RPS6KA5: variants seen among roughly 807,000 people sequenced by gnomAD.
RPS6KA5 encodes the protein ribosomal protein S6 kinase A5, also known as ribosomal protein S6 kinase alpha-5.
Under a neutral mutation model 85.5 loss-of-function variants are expected in RPS6KA5, and 27 were observed. The ratio of observed to expected loss-of-function variants is 0.32; its 90% CI spans 0.23 to 0.44. RPS6KA5 has a LOEUF of 0.44. RPS6KA5 is among the 20% of genes least tolerant of loss of function. The pLI, the probability that RPS6KA5 is intolerant of heterozygous loss-of-function variation, is 1.00. For synonymous variants in RPS6KA5, 334 were observed against 348.2 expected (o/e 0.96, Z 0.46); for missense variants, 811 against 980.9 (o/e 0.83, Z 2.31).
Position 90,902,947 on chromosome 14 carries a change from G to A in RPS6KA5, c.980C>T (p.Ala327Val). 6.2e-7 allele frequency: 1 copy of A among 1,611,308 alleles called. No homozygotes were observed. The highest frequency in any genetic ancestry group is 8.5e-7 in the Non-Finnish European group (1 of 1,178,556). The change falls in exon 9 of 17, where the codon GCC becomes GTC. Residue 327 changes from alanine (A) to valine (V), a missense_variant. Around this residue, in one of 3 missense-constraint regions of RPS6KA5, gnomAD observed 650 missense variants for 793.4 expected, o/e 0.82. Coordinates refer to ENST00000614987, the MANE Select transcript of RPS6KA5 (RefSeq NM_004755.4). ...FFQKINWDDL[A>V]AKKVPAPFKP... ...AAATGGTGCAGGCACTTTTTTGGCGGCTAAATCATCCCAATTTATTTTCTA... is the reference window on the plus strand; with the variant it reads ...AAATGGTGCAGGCACTTTTTTGGCGACTAAATCATCCCAATTTATTTTCTA...
intron 1 of RPS6KA5, among the ~76,000 whole-genome samples, chr14:91,005,503 T>A (rs1373770619): frequency 6.6e-6 from 1 of 152,186 alleles, no homozygotes; most frequent in African/African-American, 2.4e-5. Flanking sequence ...GTAAGTAGTA[T>A]CATATTTAGG....
intron 1 of RPS6KA5, among the ~76,000 whole-genome samples, chr14:91,020,263 A>G (rs1358253883): frequency 6.6e-6 from 1 of 150,578 alleles, no homozygotes; most frequent in East Asian, 2.0e-4. Context: ...CAAATCTGTG[A>G]ATTCAACCAA....
chr14:90,870,839 G>A lies in RPS6KA5; in HGVS notation c.*1235C>T, dbSNP rs535646164. On this transcript the variant is annotated 3_prime_UTR_variant, in exon 17 of 17. Coordinates refer to ENST00000614987, the MANE Select transcript of RPS6KA5 (RefSeq NM_004755.4). ...TTTTTTTTTTTTTTGCATAGGGAAC[G>A]AATTAATTGTATTTTTAAATGCAGC... 9 of 117,920 alleles carry A rather than the reference G, an allele frequency of 7.6e-5. No individual in the cohort carries two copies. In the South Asian group the frequency reaches 1.9e-3, roughly 25 times the overall value. 7.3% of individuals were successfully genotyped at this position (117,920 alleles called of 1,614,324 possible).
chr14:91,029,007 T>C (rs935599540), intron 1 of RPS6KA5, among the ~76,000 whole-genome samples: 3 of 152,222 alleles, frequency 2.0e-5, no homozygotes, highest in Non-Finnish European at 4.4e-5. Context: ...TTATTTATAG[T>C]AGTTATTATT....
intron 1 of RPS6KA5, among the ~76,000 whole-genome samples, chr14:91,047,650 C>T (rs1236090578): frequency 1.3e-5 from 2 of 152,128 alleles, no homozygotes; most frequent in East Asian, 1.9e-4. Context: ...CCTGTAACTG[C>T]GGTAGAAAAT....
At chr14:91,020,837 TTTTAG>T (rs1012487686) in intron 1 of RPS6KA5, among the ~76,000 whole-genome samples, 11 of 152,162 alleles carry the variant, frequency 7.2e-5, no homozygotes, top group African/African-American at 2.7e-4. Flanking sequence ...AATTTCTGTC[TTTTAG>T]GACTGACTTT....
Position 90,851,329 on chromosome 14 carries a change from C to G in RPS6KA5, c.*20745G>C, listed in dbSNP as rs2031988352. ...CTGGGATTACAGGAGTGAGCCACCG[C>G]ACCTGGCCTGGTAAAGATACTTTTA... On this transcript the variant is annotated 3_prime_UTR_variant, in exon 17 of 17. Transcript: ENST00000614987. The G allele has an allele frequency of 6.6e-6, 1 of 152,252 alleles. No homozygotes were observed. Among genetic ancestry groups the G allele is most frequent in the African/African-American group, 2.4e-5 (1 of 41,458 alleles). The allele number at this position is 152,252 out of a possible 1,614,324, so 9.4% of individuals were successfully genotyped here. A position where few individuals can be genotyped will look rare whatever the true frequency, so the allele number is the denominator to read the frequency against.
intron 5 of RPS6KA5, among the ~76,000 whole-genome samples, chr14:90,937,180 T>G (rs535035880): frequency 6.6e-6 from 1 of 152,084 alleles, no homozygotes; most frequent in East Asian, 1.9e-4. Flanking sequence ...GATTTCAAGT[T>G]CAGTACTACC....
At chr14:90,885,537 A>G in intron 14 of RPS6KA5, among the ~76,000 whole-genome samples, 1 of 97,664 alleles carries the variant, frequency 1.0e-5, no homozygotes, top group Non-Finnish European at 1.9e-5. Flanking sequence ...TGGGCGACAG[A>G]GCGAGACTCC....
At chr14:90,978,018 G>GCACTC (rs1370916521) in intron 3 of RPS6KA5, among the ~76,000 whole-genome samples, 1 of 152,096 alleles carries the variant, frequency 6.6e-6, no homozygotes, top group Admixed American at 6.6e-5. Context: ...TTGTGCCACT[G>GCACTC]CACTCCAGCC....
At position 90,943,089 on chromosome 14, in the gene RPS6KA5, C is replaced by T; in HGVS notation, c.607G>A (p.Val203Met). The part of the protein sequence containing the change: ...LTDFGLSKEF[V>M]ADETERAYSF... Reference sequence around the variant, plus strand: ...TAAAATATACTCACTTCATCAGCCACAAACTCCTTACTCAGACCAAAATCT... The same window carrying T: ...TAAAATATACTCACTTCATCAGCCATAAACTCCTTACTCAGACCAAAATCT... The change falls in exon 5 of 17, where the codon GTG becomes ATG. Residue 203 changes from valine (V) to methionine (M), a missense_variant. Physicochemically the swap from Val to Met is conservative, Grantham distance 21. This residue lies in a region of RPS6KA5 where 650 missense variants were observed against 793.4 expected (regional missense o/e 0.82). Coordinates refer to ENST00000614987, the MANE Select transcript of RPS6KA5 (RefSeq NM_004755.4). The T allele has an allele frequency of 6.3e-7, 1 of 1,592,898 alleles. No individual in the cohort carries two copies. Among genetic ancestry groups the T allele is most frequent in the East Asian group, 2.2e-5 (1 of 44,710 alleles).
Position 90,923,160 on chromosome 14 carries a change from A to G in RPS6KA5, c.655T>C (p.Tyr219His). 6.2e-7 allele frequency: 1 copy of G among 1,613,276 alleles called. No individual in the cohort carries two copies. Among genetic ancestry groups the G allele is most frequent in the Non-Finnish European group, 8.5e-7 (1 of 1,179,550 alleles). The change falls in exon 6 of 17, where the codon TAC becomes CAC. Residue 219 changes from tyrosine (Y) to histidine (H), a missense_variant. Physicochemically the swap from Tyr to His is moderately conservative, Grantham distance 83. Transcript: ENST00000614987. ...CCTCTGACAATATCTGGTGCCATGT[A>G]TTCAATAGTTCCACAAAAGGAATAT... ...RAYSFCGTIE[Y>H]MAPDIVRGGD...
intron 3 of RPS6KA5, among the ~76,000 whole-genome samples, chr14:90,959,099 A>T (rs1347500680): frequency 6.6e-6 from 1 of 152,100 alleles, no homozygotes; most frequent in Non-Finnish European, 1.5e-5. Context: ...GAACAGAGTG[A>T]ATGAGGGAGA....
At chr14:90,957,408 C>G (rs538562769) in intron 3 of RPS6KA5, among the ~76,000 whole-genome samples, 1 of 152,108 alleles carries the variant, frequency 6.6e-6, no homozygotes, top group Non-Finnish European at 1.5e-5. Context: ...CTTGGCTTGA[C>G]TATTTTAGTA....
Position 90,861,061 on chromosome 14 carries a change from T to G in RPS6KA5, c.*11013A>C, listed in dbSNP as rs2032522401. 6.6e-6 allele frequency: 1 copy of G among 151,672 alleles called. No individual in the cohort carries two copies. Among genetic ancestry groups the G allele is most frequent in the South Asian group, 2.1e-4 (1 of 4,788 alleles). 9.4% of individuals were successfully genotyped at this position (151,672 alleles called of 1,614,324 possible). A position where few individuals can be genotyped will look rare whatever the true frequency, so the allele number is the denominator to read the frequency against. On this transcript the variant is annotated 3_prime_UTR_variant, in exon 17 of 17. Coordinates refer to ENST00000614987, the MANE Select transcript of RPS6KA5 (RefSeq NM_004755.4). ...CATGCACTACCACTCCTGGCTCATT[T>G]TTTGTATTTTTAGTAGAAACGGGGT...
chr14:90,911,516 T>C (rs2035815194), intron 7 of RPS6KA5: 2 of 152,224 alleles, frequency 1.3e-5, no homozygotes, highest in African/African-American at 4.8e-5. Flanking sequence ...TATAAAATTA[T>C]TTATGTGCCT....
intron 5 of RPS6KA5, among the ~76,000 whole-genome samples, chr14:90,935,222 A>C (rs908975223): frequency 6.6e-6 from 1 of 152,354 alleles, no homozygotes; most frequent in East Asian, 1.9e-4. Flanking sequence ...TACGTACATT[A>C]TAACAGCAGA....
At chr14:90,937,500 T>C (rs2037325428) in intron 5 of RPS6KA5, among the ~76,000 whole-genome samples, 1 of 152,050 alleles carries the variant, frequency 6.6e-6, no homozygotes, top group South Asian at 2.1e-4. Context: ...GTGACAGAAA[T>C]GGTCAAAGAG....
At chr14:91,027,617 C>T (rs1595504334) in intron 1 of RPS6KA5, among the ~76,000 whole-genome samples, 1 of 152,196 alleles carries the variant, frequency 6.6e-6, no homozygotes, top group Admixed American at 6.5e-5. Context: ...CCCAAAATTT[C>T]TGTGGCTTAA....
Sources: gnomAD v4.1 joint callset for allele counts (sites outside exome capture counted in the v4.1 genomes callset) on GRCh38, gnomAD v4.1.1 for gene constraint, gnomAD v4.1.1 regional missense constraint, MANE v1.5 for transcripts, NCBI Gene and HGNC (gene_info 2026-07-23, HGNC 2026-07-21) for gene names.